COL14A1: variants seen among roughly 807,000 people sequenced by gnomAD.
COL14A1 encodes the protein collagen alpha-1(XIV) chain.
Under a neutral mutation model 230.3 loss-of-function variants are expected in COL14A1, and 136 were observed. The observed-to-expected ratio is 0.59, with a 90% CI of 0.51 to 0.68. The LOEUF is 0.68. Ranked by LOEUF, COL14A1 falls within the 30% of genes least tolerant of loss-of-function variation. The pLI, the probability that COL14A1 is intolerant of heterozygous loss-of-function variation, is 0.00. For synonymous variants in COL14A1, 792 were observed against 784.1 expected (o/e 1.01, Z -0.17); for missense variants, 1,976 against 2,215.8 (o/e 0.89, Z 2.17).
chr8:120,166,802 G>T (rs1444017009), intron 4 of COL14A1, among the ~76,000 whole-genome samples: 2 of 151,930 alleles, frequency 1.3e-5, no homozygotes, highest in Non-Finnish European at 2.9e-5. Context: ...CAAAGAATGC[G>T]AATGAAACGG....
chr8:120,207,030 C>T lies in COL14A1; in HGVS notation c.1127C>T (p.Ala376Val). 4.3e-6 allele frequency: 7 copies of T among 1,613,632 alleles called. No individual in the cohort carries two copies. Among genetic ancestry groups the T allele is most frequent in the Non-Finnish European group, 5.9e-6 (7 of 1,179,836 alleles). The change falls in exon 10 of 48, where the codon GCC becomes GTC. Residue 376 changes from alanine (A) to valine (V), a missense_variant. Physicochemically the swap from Ala to Val is moderately conservative, Grantham distance 64. Transcript: ENST00000297848. ...AGCTTTATGGTTAACTGGACTCATG[C>T]CCCAGGAAATGTGGAAAAATACAGA... ...ARSFMVNWTH[A>V]PGNVEKYRVV...
chr8:120,291,363 C>T lies in COL14A1; in HGVS notation c.4236+1597C>T, dbSNP rs1820368124. 2.6e-5 allele frequency among the ~76,000 whole-genome samples: 4 copies of T among 151,716 alleles called. No homozygotes were observed. The South Asian group carries it at 6.3e-4, about 24-fold the overall frequency. On this transcript the variant is annotated intron_variant, in intron 34 of 47. Transcript: ENST00000297848. ...GATCATGAGGTCAGGAGATCAAGACCGTCCTGTCTAACATGGTGAAACTCC... is the reference window on the plus strand; with the variant it reads ...GATCATGAGGTCAGGAGATCAAGACTGTCCTGTCTAACATGGTGAAACTCC...
chr8:120,330,301 C>G (rs1821819928), intron 40 of COL14A1, among the ~76,000 whole-genome samples: 1 of 152,152 alleles, frequency 6.6e-6, no homozygotes, highest in Non-Finnish European at 1.5e-5. Flanking sequence ...AGTGTTTCTC[C>G]TCCACACTCG....
intron 21 of COL14A1, among the ~76,000 whole-genome samples, chr8:120,249,121 G>A (rs1247679311): frequency 2.7e-5 from 4 of 145,682 alleles, no homozygotes; most frequent in Non-Finnish European, 6.0e-5. Context: ...TAGTAGAGAC[G>A]GGGTTTCACC....
intron 25 of COL14A1, among the ~76,000 whole-genome samples, chr8:120,269,613 C>T (rs1038541063): frequency 1.3e-5 from 2 of 151,778 alleles, no homozygotes; most frequent in Non-Finnish European, 2.9e-5. Flanking sequence ...CTGACATTAA[C>T]TTACTAATTC....
At chr8:120,293,846 T>C (rs1258622594) in intron 34 of COL14A1, among the ~76,000 whole-genome samples, 1 of 151,758 alleles carries the variant, frequency 6.6e-6, no homozygotes, top group East Asian at 1.9e-4. Context: ...AAATTCTAAT[T>C]AATACCAACA....
chr8:120,298,886 C>A (rs191329465), intron 35 of COL14A1, among the ~76,000 whole-genome samples: 1 of 151,410 alleles, frequency 6.6e-6, no homozygotes, highest in Non-Finnish European at 1.5e-5. Flanking sequence ...CAGTTTTGTA[C>A]GGCTGTGGAG....
intron 35 of COL14A1, among the ~76,000 whole-genome samples, chr8:120,298,597 T>TTATATATATATATATATA (rs59846403): frequency 1.6e-4 from 9 of 57,986 alleles, no homozygotes; most frequent in Non-Finnish European, 2.1e-4. Context: ...CCCATATATT[T>TTATATATATATATATATA]TATATATATA....
intron 37 of COL14A1, 51 bp downstream of exon 37, chr8:120,310,113 A>C: frequency 1.3e-6 from 2 of 1,553,430 alleles, no homozygotes; most frequent in Non-Finnish European, 1.8e-6. Flanking sequence ...TCTCTCTCTC[A>C]TAAATAGCCA....
At chr8:120,278,607 A>G in intron 28 of COL14A1, 29 bp downstream of exon 28, 7 of 1,595,986 alleles carry the variant, frequency 4.4e-6, no homozygotes, top group Non-Finnish European at 6.0e-6. Flanking sequence ...AGTGGCTACC[A>G]AATATGATGT....
At chr8:120,285,291 C>T (rs1820158515) in intron 32 of COL14A1, among the ~76,000 whole-genome samples, 1 of 151,422 alleles carries the variant, frequency 6.6e-6, no homozygotes, top group Non-Finnish European at 1.5e-5. Flanking sequence ...GAGACCAAGC[C>T]GTCTCTACTA....
At chr8:120,182,726 G>GGTTTTTTTTTTTTT (rs1554603200) in intron 5 of COL14A1, among the ~76,000 whole-genome samples, 2 of 129,014 alleles carry the variant, frequency 1.6e-5, no homozygotes, top group Non-Finnish European at 1.6e-5. Context: ...ATTTTTCTTC[G>GGTTTTTTTTTTTTT]TTTTTTTTTT....
chr8:120,124,865 C>G (rs1814266032), upstream of COL14A1, among the ~76,000 whole-genome samples: 1 of 151,972 alleles, frequency 6.6e-6, no homozygotes, highest in South Asian at 2.1e-4. Flanking sequence ...CTGGCTCGCT[C>G]TCGGCGCGCC....
chr8:120,330,951 C>T (rs1238397719), intron 40 of COL14A1, among the ~76,000 whole-genome samples: 1 of 151,892 alleles, frequency 6.6e-6, no homozygotes, highest in Non-Finnish European at 1.5e-5. Flanking sequence ...ACTAAAAATA[C>T]GAAATTAGCC....
chr8:120,163,973 C>T (rs1815778295), intron 4 of COL14A1, among the ~76,000 whole-genome samples: 1 of 152,110 alleles, frequency 6.6e-6, no homozygotes, highest in Admixed American at 6.5e-5. Flanking sequence ...ACTACAGCAA[C>T]ATCCTCTTCC....
At chr8:120,177,899 A>G (rs577806587) in intron 5 of COL14A1, among the ~76,000 whole-genome samples, 221 of 152,114 alleles carry the variant, frequency 1.5e-3, no homozygotes, top group Non-Finnish European at 2.5e-3. Flanking sequence ...ATCCATAATC[A>G]TGTTGGTAAA....
chr8:120,163,529 C>T (rs976343157), intron 4 of COL14A1, among the ~76,000 whole-genome samples: 3 of 152,088 alleles, frequency 2.0e-5, no homozygotes, highest in South Asian at 2.1e-4. Context: ...TTTGGGAGGC[C>T]GAGGCGGGCG....
At chr8:120,125,740 G>A (rs1814308304) in intron 1 of COL14A1, among the ~76,000 whole-genome samples, 1 of 152,122 alleles carries the variant, frequency 6.6e-6, no homozygotes, top group Non-Finnish European at 1.5e-5. Context: ...GGTGGGATCC[G>A]TCTTGAAGGG....
Position 120,229,549 on chromosome 8 carries a change from G to A in COL14A1, c.2197+780G>A, listed in dbSNP as rs188836233. ...GGGTTGGTTCCAAGTCTTTGCTATC[G>A]TGAATAGTGCCACAATAAACATACA... On this transcript the variant is annotated intron_variant, in intron 18 of 47. Coordinates refer to ENST00000297848, the MANE Select transcript of COL14A1 (RefSeq NM_021110.4). Among the ~76,000 whole-genome samples the A allele has an allele frequency of 9.8e-3, 1,490 of 151,982 alleles. 12 individuals carry two copies. The highest frequency in any genetic ancestry group is 0.017 in the Non-Finnish European group (1,155 of 67,980).
Sources: gnomAD v4.1 joint callset for allele counts (sites outside exome capture counted in the v4.1 genomes callset) on GRCh38, gnomAD v4.1.1 for gene constraint, MANE v1.5 for transcripts, NCBI Gene and HGNC (gene_info 2026-07-23, HGNC 2026-07-21) for gene names.